SORCS2: variants seen among roughly 807,000 people sequenced by gnomAD.
The protein encoded by SORCS2 is VPS10 domain-containing receptor SorCS2.
Under a neutral mutation model 141.6 loss-of-function variants are expected in SORCS2, and 100 were observed. The ratio of observed to expected loss-of-function variants is 0.71; its 90% CI spans 0.60 to 0.83. SORCS2 has a LOEUF of 0.83. Among genes scored for constraint, SORCS2 ranks in the 40% least tolerant of loss-of-function variants. SORCS2 has a pLI of 0.00. For synonymous variants in SORCS2, 789 were observed against 676.9 expected (o/e 1.17, Z -2.57); for missense variants, 1,646 against 1,560.2 (o/e 1.05, Z -0.93).
chr4:7,599,178 G>A (rs1001766102), intron 3 of SORCS2, among the ~76,000 whole-genome samples: 13 of 152,048 alleles, frequency 8.5e-5, no homozygotes, highest in African/African-American at 1.9e-4. Flanking sequence ...CAGCTCACCC[G>A]AGATCTCCAC....
At chr4:7,676,799 T>TTCTCTCTC (rs145811983) in intron 9 of SORCS2, among the ~76,000 whole-genome samples, 3 of 32,262 alleles carry the variant, frequency 9.3e-5, no homozygotes, top group South Asian at 1.8e-3. Context: ...AAGTCTGCCT[T>TTCTCTCTC]TCTGTCTCTC....
intron 1 of SORCS2, among the ~76,000 whole-genome samples, chr4:7,250,719 A>G (rs1713447123): frequency 6.6e-6 from 1 of 152,250 alleles, no homozygotes; most frequent in Admixed American, 6.5e-5. Flanking sequence ...GGCGAGGCCG[A>G]GGAACAGCTG....
chr4:7,207,501 G>A (rs912840251), intron 1 of SORCS2, among the ~76,000 whole-genome samples: 3 of 152,178 alleles, frequency 2.0e-5, no homozygotes, highest in East Asian at 1.9e-4. Context: ...GGGCTGCCCC[G>A]AGCTCTGAGC....
At chr4:7,304,952 G>A (rs1717683900) in intron 1 of SORCS2, among the ~76,000 whole-genome samples, 1 of 152,182 alleles carries the variant, frequency 6.6e-6, no homozygotes, top group Non-Finnish European at 1.5e-5. Flanking sequence ...GTTCCTGCTC[G>A]TGAGGGCTTC....
chr4:7,514,374 G>A (rs1326039292), intron 2 of SORCS2, among the ~76,000 whole-genome samples: 3 of 152,122 alleles, frequency 2.0e-5, no homozygotes, highest in Non-Finnish European at 4.4e-5. Context: ...GCTTCCTGGG[G>A]TGTGGGGTGA....
At chr4:7,438,212 G>A (rs1428183195) in intron 2 of SORCS2, among the ~76,000 whole-genome samples, 2 of 152,178 alleles carry the variant, frequency 1.3e-5, no homozygotes, top group East Asian at 1.9e-4. Context: ...GCCTTCCATC[G>A]GGAGCTGATG....
chr4:7,688,797 C>A (rs577195083), intron 10 of SORCS2, among the ~76,000 whole-genome samples: 79 of 152,288 alleles, frequency 5.2e-4, no homozygotes, highest in African/African-American at 1.9e-3. Flanking sequence ...TCGTGGTGCA[C>A]CCAAGGAGGG....
At chr4:7,445,502 T>A (rs1727928288) in intron 2 of SORCS2, among the ~76,000 whole-genome samples, 1 of 151,990 alleles carries the variant, frequency 6.6e-6, no homozygotes, top group Non-Finnish European at 1.5e-5. Context: ...GAAGAAGGCC[T>A]GGGGCGCGGC....
intron 1 of SORCS2, among the ~76,000 whole-genome samples, chr4:7,258,739 T>C (rs6847479): frequency 0.87 from 133,099 of 152,256 alleles, 58,308 homozygotes; most frequent in Non-Finnish European, 0.89. Flanking sequence ...TCCACAATGG[T>C]TGAACTAATT....
At chr4:7,219,937 G>T (rs1417637066) in intron 1 of SORCS2, among the ~76,000 whole-genome samples, 3 of 152,258 alleles carry the variant, frequency 2.0e-5, no homozygotes, top group Admixed American at 1.3e-4. Flanking sequence ...CCACCGTGAT[G>T]ACTCCATGTC....
chr4:7,362,050 C>T (rs890847146), intron 1 of SORCS2, among the ~76,000 whole-genome samples: 4 of 152,076 alleles, frequency 2.6e-5, no homozygotes, highest in Non-Finnish European at 4.4e-5. Flanking sequence ...GTCCAGGAAG[C>T]GTGGATTTGT....
chr4:7,578,065 G>A (rs2108753888), intron 3 of SORCS2, among the ~76,000 whole-genome samples: 1 of 152,336 alleles, frequency 6.6e-6, no homozygotes, highest in Middle Eastern at 3.4e-3. Flanking sequence ...AGTGGGAGAT[G>A]TTAGGCTCAT....
chr4:7,367,754 T>C (rs1201460139), intron 1 of SORCS2, among the ~76,000 whole-genome samples: 1 of 152,238 alleles, frequency 6.6e-6, no homozygotes, highest in African/African-American at 2.4e-5. Flanking sequence ...ATTCACGCAG[T>C]TTATTTTTAA....
intron 1 of SORCS2, among the ~76,000 whole-genome samples, chr4:7,257,589 A>C (rs1205120625): frequency 2.0e-5 from 3 of 152,120 alleles, no homozygotes; most frequent in African/African-American, 4.8e-5. Flanking sequence ...TGTGTCCTGC[A>C]CACTGACTGA....
At chr4:7,510,762 C>T (rs1031994964) in intron 2 of SORCS2, among the ~76,000 whole-genome samples, 3 of 79,984 alleles carry the variant, frequency 3.8e-5, no homozygotes, top group Admixed American at 1.4e-4. Context: ...CCCAGATACC[C>T]GCATGGACCG....
intron 1 of SORCS2, among the ~76,000 whole-genome samples, chr4:7,237,638 G>GA (rs1035241056): frequency 3.2e-4 from 48 of 152,242 alleles, no homozygotes; most frequent in African/African-American, 1.2e-3. Flanking sequence ...AAGCAGACGG[G>GA]ATTCTATGTC....
chr4:7,214,315 C>T (rs1468661879), intron 1 of SORCS2, among the ~76,000 whole-genome samples: 1 of 152,146 alleles, frequency 6.6e-6, no homozygotes, highest in Non-Finnish European at 1.5e-5. Flanking sequence ...TGGGTTAGTT[C>T]TCATGGGAGT....
rs571883159 is a variant in SORCS2, at chr4:7,337,110, C to T, written c.481-59178C>T. Among the ~76,000 whole-genome samples the T allele has an allele frequency of 6.6e-5, 10 of 152,272 alleles. No homozygotes were observed. In the East Asian group the frequency reaches 1.4e-3, roughly 21 times the overall value. On this transcript the variant is annotated intron_variant, in intron 1 of 26. Coordinates refer to ENST00000507866, the MANE Select transcript of SORCS2 (RefSeq NM_020777.3). ...CAGAGTCCATGTCATGACCCACTCCCGTCTGGAGCCTCACCGAGGGCAGAT... is the reference window on the plus strand; with the variant it reads ...CAGAGTCCATGTCATGACCCACTCCTGTCTGGAGCCTCACCGAGGGCAGAT...
intron 3 of SORCS2, among the ~76,000 whole-genome samples, chr4:7,563,063 C>G (rs1158980852): frequency 2.0e-5 from 3 of 152,166 alleles, no homozygotes; most frequent in Non-Finnish European, 2.9e-5. Flanking sequence ...AAAGAAATTC[C>G]TAGTTCCCTG....
Sources: allele counts gnomAD v4.1 joint callset (sites outside exome capture counted in the v4.1 genomes callset), GRCh38; gene constraint gnomAD v4.1.1; transcripts MANE v1.5; gene names NCBI Gene and HGNC (gene_info 2026-07-23, HGNC 2026-07-21).